Variants in LGSN observed in about 807,000 individuals in gnomAD.
LGSN encodes lengsin, lens protein with glutamine synthetase domain.
LGSN carries 21 observed loss-of-function variants against 19.5 expected under a neutral mutation model. The ratio of observed to expected loss-of-function variants is 1.07; its 90% CI spans 0.76 to 1.55. The LOEUF (loss-of-function observed/expected upper bound fraction) is 1.55, where lower values mean the gene tolerates loss of function less well. LGSN is among the 40% of genes most tolerant of loss of function. The probability of loss-of-function intolerance (pLI) is 0.00; values close to 1 mark genes in which losing one functional copy is unlikely to be tolerated. For synonymous variants in LGSN, 257 were observed against 215.6 expected (o/e 1.19, Z -1.68); for missense variants, 673 against 608.5 (o/e 1.11, Z -1.12).
chr6:63,444,654 G>T, the LGSN span, among the ~76,000 whole-genome samples: 7 of 152,132 alleles, frequency 4.6e-5, no homozygotes, highest in Admixed American at 2.6e-4. Flanking sequence ...CTGAGAAGCA[G>T]GACTTTATGA....
At chr6:63,327,430 C>T in the LGSN span, among the ~76,000 whole-genome samples, 34 of 152,272 alleles carry the variant, frequency 2.2e-4, no homozygotes, top group African/African-American at 2.9e-4. Flanking sequence ...TTCCTGTAAA[C>T]GCTGGGCGGC....
At chr6:63,446,224 G>C in the LGSN span, among the ~76,000 whole-genome samples, 1 of 147,680 alleles carries the variant, frequency 6.8e-6, no homozygotes. Flanking sequence ...ACTCCAGCCT[G>C]GGCGACGAGA....
the LGSN span, among the ~76,000 whole-genome samples, chr6:63,486,026 G>A: frequency 0.059 from 8,999 of 152,056 alleles, 360 homozygotes; most frequent in Non-Finnish European, 0.085. Flanking sequence ...CACCACACCC[G>A]GCTGAACATT....
chr6:63,382,902 A>T, the LGSN span, among the ~76,000 whole-genome samples: 2 of 152,232 alleles, frequency 1.3e-5, no homozygotes, highest in African/African-American at 4.8e-5. Context: ...AGAATGGGTA[A>T]AAGTAAATAC....
In LGSN at chr6:63,277,608, T is replaced by G. The variant is rs1767136678; in HGVS notation, c.*2413A>C. 1 of 152,228 alleles carries G rather than the reference T, an allele frequency of 6.6e-6. No individual in the cohort carries two copies. The highest frequency in any genetic ancestry group is 1.5e-5 in the Non-Finnish European group (1 of 68,046). The allele number at this position is 152,228 out of a possible 1,614,324, so 9.4% of individuals were successfully genotyped here. ...GTTCTCTCTCAGGTAAACATCTGGA[T>G]GTAGGCAAGTCAAACTGCTCTACAA... On this transcript the variant is annotated 3_prime_UTR_variant, in exon 4 of 4. Coordinates refer to ENST00000370657, the MANE Select transcript of LGSN (RefSeq NM_016571.3).
At chr6:63,517,231 C>A in the LGSN span, among the ~76,000 whole-genome samples, 23 of 152,120 alleles carry the variant, frequency 1.5e-4, no homozygotes, top group African/African-American at 5.5e-4. Context: ...CCTTTCAGAC[C>A]AGTGGCATTA....
chr6:63,445,578 A>G, the LGSN span, among the ~76,000 whole-genome samples: 1 of 152,142 alleles, frequency 6.6e-6, no homozygotes, highest in Admixed American at 6.5e-5. Flanking sequence ...AGATCCTGCC[A>G]CTGCACTCCA....
the LGSN span, among the ~76,000 whole-genome samples, chr6:63,367,401 A>C: frequency 6.6e-6 from 1 of 152,176 alleles, no homozygotes; most frequent in Non-Finnish European, 1.5e-5. Context: ...ATACCATCTC[A>C]CACCAGTTAG....
intron 3 of LGSN, among the ~76,000 whole-genome samples, chr6:63,283,078 T>C (rs1767381327): frequency 6.6e-6 from 1 of 152,238 alleles, no homozygotes; most frequent in Non-Finnish European, 1.5e-5. Flanking sequence ...TAGTCCTATA[T>C]GAACTCAAAC....
the LGSN span, among the ~76,000 whole-genome samples, chr6:63,428,190 A>C: frequency 6.6e-6 from 1 of 152,170 alleles, no homozygotes; most frequent in Non-Finnish European, 1.5e-5. Flanking sequence ...ACAATAAAGC[A>C]GGTTCCCCAA....
chr6:63,449,003 G>A, the LGSN span, among the ~76,000 whole-genome samples: 2 of 152,150 alleles, frequency 1.3e-5, no homozygotes, highest in African/African-American at 2.4e-5. Context: ...GTAATTTAGA[G>A]ATGAGTTAAA....
chr6:63,355,702 G>A, the LGSN span, among the ~76,000 whole-genome samples: 1 of 152,106 alleles, frequency 6.6e-6, no homozygotes, highest in Admixed American at 6.5e-5. Flanking sequence ...TTTTGAGACG[G>A]AGTTTCACTC....
chr6:63,495,462 T>C, the LGSN span, among the ~76,000 whole-genome samples: 14 of 98,042 alleles, frequency 1.4e-4, no homozygotes, highest in East Asian at 2.5e-3. Context: ...TTTTCTTTTT[T>C]TTTTTTTTTT....
chr6:63,362,954 C>T, the LGSN span, among the ~76,000 whole-genome samples: 29 of 152,224 alleles, frequency 1.9e-4, no homozygotes, highest in Non-Finnish European at 3.1e-4. Flanking sequence ...CAGTAGGGGC[C>T]GACTGACACC....
At chr6:63,420,621 G>A in the LGSN span, among the ~76,000 whole-genome samples, 2 of 152,282 alleles carry the variant, frequency 1.3e-5, no homozygotes, top group East Asian at 1.9e-4. Flanking sequence ...GCAGTAAAAA[G>A]GTGGTAGCGC....
chr6:63,385,700 A>G, the LGSN span, among the ~76,000 whole-genome samples: 3 of 152,318 alleles, frequency 2.0e-5, no homozygotes, highest in East Asian at 3.9e-4. Context: ...ATTGTCCCCT[A>G]TAAACTTGCT....
the LGSN span, among the ~76,000 whole-genome samples, chr6:63,474,547 T>C: frequency 6.8e-6 from 1 of 146,970 alleles, no homozygotes; most frequent in South Asian, 2.1e-4. Context: ...AGGTGGAGCT[T>C]GCAGTGAGAC....
chr6:63,351,855 G>A, the LGSN span, among the ~76,000 whole-genome samples: 3 of 152,216 alleles, frequency 2.0e-5, no homozygotes, highest in African/African-American at 7.2e-5. Context: ...TTTAAATGAT[G>A]TTTCAATGAC....
At chr6:63,369,653 G>C in the LGSN span, among the ~76,000 whole-genome samples, 1 of 152,148 alleles carries the variant, frequency 6.6e-6, no homozygotes, top group African/African-American at 2.4e-5. Flanking sequence ...AGAACTGTTA[G>C]ACTTATATAT....
Sources: gnomAD v4.1 joint callset for allele counts (sites outside exome capture counted in the v4.1 genomes callset) on GRCh38, gnomAD v4.1.1 for gene constraint, MANE v1.5 for transcripts, NCBI Gene and HGNC (gene_info 2026-07-23, HGNC 2026-07-21) for gene names.